CTNNA2: variants seen among roughly 807,000 people sequenced by gnomAD.
CTNNA2 encodes catenin alpha-2.
Under a neutral mutation model 101.0 loss-of-function variants are expected in CTNNA2, and 42 were observed. That is an observed-to-expected ratio of 0.42 (90% CI 0.32 to 0.54). The LOEUF is 0.54. CTNNA2 is among the 20% of genes least tolerant of loss of function. CTNNA2 has a pLI of 0.14. For synonymous variants in CTNNA2, 450 were observed against 456.4 expected (o/e 0.99, Z 0.18); for missense variants, 871 against 1,223.1 (o/e 0.71, Z 4.29).
At chr2:79,770,361 C>T (rs1673485648) in intron 3 of CTNNA2, among the ~76,000 whole-genome samples, 1 of 152,066 alleles carries the variant, frequency 6.6e-6, no homozygotes, top group African/African-American at 2.4e-5. Context: ...GAAACAGAGA[C>T]CAATTAGTCA....
intron 2 of CTNNA2, among the ~76,000 whole-genome samples, chr2:79,219,175 A>AAT (rs1186994682): frequency 2.6e-5 from 4 of 152,214 alleles, no homozygotes; most frequent in Non-Finnish European, 2.9e-5. Context: ...ATGGCTATGT[A>AAT]ATATTTCATT....
intron 4 of CTNNA2, among the ~76,000 whole-genome samples, chr2:79,395,845 C>T (rs1678223809): frequency 6.6e-6 from 1 of 152,082 alleles, no homozygotes; most frequent in Non-Finnish European, 1.5e-5. Context: ...CTCTGTCACC[C>T]AGGCTGGAGT....
intron 9 of CTNNA2, among the ~76,000 whole-genome samples, chr2:80,474,350 G>A (rs1301144967): frequency 7.1e-6 from 1 of 141,454 alleles, no homozygotes; most frequent in Non-Finnish European, 1.5e-5. Flanking sequence ...TACACTGCCA[G>A]CAAAGAAGAG....
intron 7 of CTNNA2, among the ~76,000 whole-genome samples, chr2:80,229,913 C>T (rs1397640455): frequency 6.6e-6 from 1 of 152,074 alleles, no homozygotes; most frequent in Non-Finnish European, 1.5e-5. Flanking sequence ...AATGTTTTGG[C>T]CAATGAGGGA....
intron 7 of CTNNA2, among the ~76,000 whole-genome samples, chr2:80,339,719 C>T (rs1011023372): frequency 2.0e-5 from 3 of 152,090 alleles, no homozygotes; most frequent in Non-Finnish European, 4.4e-5. Context: ...ATGAATTCAC[C>T]ATCTTAATAA....
intron 2 of CTNNA2, among the ~76,000 whole-genome samples, chr2:79,218,006 T>TA (rs913809314): frequency 6.6e-6 from 1 of 152,184 alleles, no homozygotes; most frequent in African/African-American, 2.4e-5. Flanking sequence ...CATAATAAAA[T>TA]AAAAACCTAT....
chr2:79,729,911 G>T (rs1354030919), intron 2 of CTNNA2, among the ~76,000 whole-genome samples: 1 of 152,082 alleles, frequency 6.6e-6, no homozygotes, highest in East Asian at 1.9e-4. Context: ...ATCAGAAAAT[G>T]TCAGTGTATG....
intron 4 of CTNNA2, among the ~76,000 whole-genome samples, chr2:79,860,546 G>GTTTTTTTTTTTCTTTTTTTTTTT (rs1553385351): frequency 1.6e-4 from 17 of 107,178 alleles, no homozygotes; most frequent in African/African-American, 5.9e-4. Flanking sequence ...AGTAAGGGAA[G>GTTTTTTTTTTTCTTTTTTTTTTT]TTTTTTTTTT....
Position 79,874,252 on chromosome 2 carries a change from C to A in CTNNA2, c.762C>A (p.Ile254=), listed in dbSNP as rs1004199042. ...AAGTCCAGGAGGCCATCGCCGGCATCTCCAATGCTGCTCAAGCTACCTCGC... is the reference window on the plus strand; with the variant it reads ...AAGTCCAGGAGGCCATCGCCGGCATATCCAATGCTGCTCAAGCTACCTCGC... The part of the protein sequence containing the change: ...FKQVQEAIAG[I]SNAAQATSPT... Residue 254 remains isoleucine, a synonymous_variant, in exon 6 of 19, where the codon ATC becomes ATA. Coordinates refer to ENST00000402739, the MANE Select transcript of CTNNA2 (RefSeq NM_001282597.3). 8 of 1,614,040 alleles carry A rather than the reference C, an allele frequency of 5.0e-6. No individual in the cohort carries two copies. The highest frequency in any genetic ancestry group is 1.3e-5 in the African/African-American group (1 of 74,930).
intron 2 of CTNNA2, among the ~76,000 whole-genome samples, chr2:79,681,089 AGGCTGTAGTGAG>A (rs1477854017): frequency 6.6e-6 from 1 of 152,182 alleles, no homozygotes; most frequent in Non-Finnish European, 1.5e-5. Flanking sequence ...TCGGAGATTG[AGGCTGTAGTGAG>A]TTAAGATCAA....
intron 4 of CTNNA2, among the ~76,000 whole-genome samples, chr2:79,470,710 G>A (rs766885016): frequency 6.6e-6 from 1 of 152,110 alleles, no homozygotes; most frequent in Non-Finnish European, 1.5e-5. Context: ...TGATGCAACC[G>A]TTGCGTCCAC....
chr2:80,269,727 A>G (rs1325546554), intron 7 of CTNNA2, among the ~76,000 whole-genome samples: 1 of 152,184 alleles, frequency 6.6e-6, no homozygotes, highest in East Asian at 1.9e-4. Context: ...TTAAAACAGA[A>G]AATTCTGAGT....
At chr2:80,127,900 C>G (rs1166987873) in intron 7 of CTNNA2, among the ~76,000 whole-genome samples, 1 of 152,122 alleles carries the variant, frequency 6.6e-6, no homozygotes, top group Non-Finnish European at 1.5e-5. Context: ...AGTATGATCT[C>G]TGTGGGAGAG....
chr2:79,620,261 G>T lies in CTNNA2; in HGVS notation c.-5-31291G>T, dbSNP rs1056081659. On this transcript the variant is annotated intron_variant, in intron 1 of 18. Transcript: ENST00000402739. ...TCCAACTGCCCTTCCCTGTACATTCGCCTGTGGGTCCCACTTCTGAAGTCC... is the reference window on the plus strand; with the variant it reads ...TCCAACTGCCCTTCCCTGTACATTCTCCTGTGGGTCCCACTTCTGAAGTCC... Among the ~76,000 whole-genome samples the T allele has an allele frequency of 2.6e-5, 4 of 152,184 alleles. No homozygotes were observed. In the East Asian group the frequency reaches 7.8e-4, roughly 29 times the overall value.
At chr2:79,886,274 G>A (rs1683853048) in intron 6 of CTNNA2, among the ~76,000 whole-genome samples, 3 of 152,154 alleles carry the variant, frequency 2.0e-5, no homozygotes, top group Admixed American at 2.0e-4. Flanking sequence ...CAGGTAGAAA[G>A]ATCATCATTG....
intron 3 of CTNNA2, among the ~76,000 whole-genome samples, chr2:79,840,981 A>G (rs965914290): frequency 5.3e-5 from 8 of 152,006 alleles, no homozygotes; most frequent in African/African-American, 1.7e-4. Context: ...GTGTTAGCCA[A>G]CATGGTCTTG....
At chr2:79,234,840 G>T (rs1257978771) in intron 2 of CTNNA2, among the ~76,000 whole-genome samples, 1 of 152,110 alleles carries the variant, frequency 6.6e-6, no homozygotes. Flanking sequence ...ACTTCCAATT[G>T]TGTTGTGGAA....
intron 4 of CTNNA2, among the ~76,000 whole-genome samples, chr2:79,413,612 A>G (rs1463021983): frequency 6.6e-6 from 1 of 151,964 alleles, no homozygotes; most frequent in South Asian, 2.1e-4. Flanking sequence ...TAGTAGTTCT[A>G]TTTTTAATTT....
chr2:79,865,865 A>G (rs966903688), intron 4 of CTNNA2, among the ~76,000 whole-genome samples: 8 of 152,112 alleles, frequency 5.3e-5, no homozygotes, highest in Non-Finnish European at 1.0e-4. Flanking sequence ...GACTATAGGC[A>G]CCCACCACCA....
Sources: gnomAD v4.1 joint callset for allele counts (sites outside exome capture counted in the v4.1 genomes callset) on GRCh38, gnomAD v4.1.1 for gene constraint, MANE v1.5 for transcripts, NCBI Gene and HGNC (gene_info 2026-07-23, HGNC 2026-07-21) for gene names.